Variants in E2F4 observed in about 807,000 individuals in gnomAD.
The protein encoded by E2F4 is E2F transcription factor 4, also known as transcription factor E2F4.
E2F4 carries 16 observed loss-of-function variants against 44.5 expected under a neutral mutation model. That is an observed-to-expected ratio of 0.36 (90% CI 0.24 to 0.55). The LOEUF is 0.55. Ranked by LOEUF, E2F4 falls within the 20% of genes least tolerant of loss-of-function variation. E2F4 has a pLI of 0.87. For missense variants in E2F4, 473 were observed against 522.1 expected (o/e 0.91, Z 0.92); for synonymous variants, 242 against 207.2 (o/e 1.17, Z -1.44).
chr16:67,194,295 C>T (rs977088625), intron 4 of E2F4, 103 bp from the exon 5 acceptor site: 9 of 1,291,690 alleles, frequency 7.0e-6, no homozygotes, highest in Non-Finnish European at 9.9e-6. Context: ...CTGTCTAGTT[C>T]CTCAGGGACC....
At position 67,198,381 on chromosome 16, in the gene E2F4, C is replaced by T; in HGVS notation, c.*258C>T. ...GCTTCTCCCTTTCTGCGGCCTTCGC[C>T]AGCCCAGGCTCGGCTGCCACCCAGT... On this transcript the variant is annotated 3_prime_UTR_variant, in exon 10 of 10. Coordinates refer to ENST00000379378, the MANE Select transcript of E2F4 (RefSeq NM_001950.4). 1 of 480,064 alleles carries T rather than the reference C, an allele frequency of 2.1e-6. No homozygotes were observed. The highest frequency in any genetic ancestry group is 2.3e-5 in the South Asian group (1 of 43,600). The allele number at this position is 480,064 out of a possible 1,614,324, so 29.7% of individuals were successfully genotyped here.
intron 7 of E2F4, among the ~76,000 whole-genome samples, chr16:67,196,665 A>G (rs3730407): frequency 0.037 from 5,613 of 152,198 alleles, 345 homozygotes; most frequent in African/African-American, 0.12. Context: ...TCTTTTCCCA[A>G]TCTGCACACT....
At chr16:67,197,776 C>A in intron 8 of E2F4, 91 bp from the exon 9 acceptor site, 1 of 1,606,134 alleles carries the variant, frequency 6.2e-7, no homozygotes, top group Non-Finnish European at 8.5e-7. Flanking sequence ...GGTGAAGTTC[C>A]TGATGGGCAG....
rs768293921 is a variant in E2F4 at position 67,195,936 on chromosome 16, T to C, written c.963T>C (p.Ser321=). 25 of 1,596,872 alleles carry C rather than the reference T, an allele frequency of 1.6e-5. No homozygotes were observed. The South Asian group carries it at 1.7e-4, about 11-fold the overall frequency. ...GCAGCAGCAGCAGCAGCAGCAACAG[T>C]AACAGCAGCAGTTCGTCCGGACCCA... The part of the protein sequence containing the change: ...SSSSSSSSSN[S]NSSSSSGPNP... Residue 321 remains serine (S), a synonymous_variant, in exon 7 of 10, where the codon AGT becomes AGC. Transcript: ENST00000379378.
At chr16:67,192,417 G>A in intron 1 of E2F4, 55 bp downstream of exon 1, 1 of 1,410,834 alleles carries the variant, frequency 7.1e-7, no homozygotes. Flanking sequence ...GCCTGGGCCG[G>A]TAGCGGGAAC....
intron 3 of E2F4, 130 bp downstream of exon 3, chr16:67,193,300 T>G (rs2032917545): frequency 6.7e-7 from 1 of 1,491,212 alleles, no homozygotes; most frequent in Non-Finnish European, 9.2e-7. Context: ...GGCTCCCTCC[T>G]CAGAGCCCCT....
chr16:67,192,912 G>C, intron 2 of E2F4, 42 bp downstream of exon 2: 3 of 1,581,534 alleles, frequency 1.9e-6, no homozygotes, highest in Non-Finnish European at 2.6e-6. Flanking sequence ...CTCCCACCCA[G>C]AAGTGTCGGG....
At chr16:67,194,641 G>A (rs2032938373) in intron 5 of E2F4, 45 bp from the exon 6 acceptor site, 1 of 1,595,728 alleles carries the variant, frequency 6.3e-7, no homozygotes, top group African/African-American at 1.3e-5. Flanking sequence ...AGCCAAGCCT[G>A]CTTACAATTC....
intron 8 of E2F4, 44 bp downstream of exon 8, chr16:67,197,690 A>G: frequency 6.2e-7 from 1 of 1,610,704 alleles, no homozygotes; most frequent in East Asian, 2.2e-5. Context: ...TAAGGGACAC[A>G]GCTCATTGGG....
rs577207109 is a variant in E2F4 at position 67,197,459 on chromosome 16, A to G, written c.1034-140A>G. On this transcript the variant is annotated intron_variant, in intron 7 of 9. Transcript: ENST00000379378. Reference sequence around the variant, plus strand: ...GCAAGTGAGGCCAACAGACAGTGCCAGCTTGGCCTAGGCAGGACCTACATC... The same window carrying G: ...GCAAGTGAGGCCAACAGACAGTGCCGGCTTGGCCTAGGCAGGACCTACATC... 9 of 808,052 alleles carry G rather than the reference A, an allele frequency of 1.1e-5. No homozygotes were observed. The Admixed American group carries it at 2.0e-4, about 18-fold the overall frequency. 50.1% of individuals were successfully genotyped at this position (808,052 alleles called of 1,614,324 possible).
At chr16:67,195,573 AC>A in intron 6 of E2F4, 1 of 1,056,832 alleles carries the variant, frequency 9.5e-7, no homozygotes, top group Non-Finnish European at 1.3e-6. Flanking sequence ...AGACATGTTG[AC>A]CACGAGTCTT....
Position 67,194,896 on chromosome 16 carries a change from C to T in E2F4, c.724C>T (p.Pro242Ser). ...AGCCCAGTCCCAGGAAGCCTCACGT[C>T]CAAATAGTCCTCAGCTCACTCCCAC... ...ALAQSQEASRPNSPQLTPTAV... is the reference protein window; with the variant it reads ...ALAQSQEASRSNSPQLTPTAV... The change falls in exon 6 of 10, where the codon CCA (proline) becomes TCA (serine). Residue 242 changes from proline to serine, a missense_variant. Coordinates refer to ENST00000379378, the MANE Select transcript of E2F4 (RefSeq NM_001950.4). 6.2e-7 allele frequency: 1 copy of T among 1,614,184 alleles called. No homozygotes were observed. The highest frequency in any genetic ancestry group is 8.5e-7 in the Non-Finnish European group (1 of 1,180,030).
Position 67,194,995 on chromosome 16 carries a change from G to A in E2F4, c.808+15G>A. The A allele has an allele frequency of 1.2e-6, 2 of 1,607,466 alleles. No individual in the cohort carries two copies. Among genetic ancestry groups the A allele is most frequent in the Non-Finnish European group, 8.5e-7 (1 of 1,174,902 alleles). On this transcript the variant is annotated intron_variant, in intron 6 of 9. Transcript: ENST00000379378. ...TGAGATCACAGGTGAGGCACCATGG[G>A]AGCTTGTGACAGAGGCCCAAGAGGT...
At position 67,192,468 on chromosome 16, in the gene E2F4, C is replaced by T. The variant is rs993191308; in HGVS notation, c.135+106C>T. 16 of 1,350,312 alleles carry T rather than the reference C, an allele frequency of 1.2e-5. No homozygotes were observed. The African/African-American group carries it at 2.1e-4, about 18-fold the overall frequency. The allele number at this position is 1,350,312 out of a possible 1,614,324, so 83.6% of individuals were successfully genotyped here. ...GCTGGGTCCTCCGAGAGCCGGCCGC[C>T]ATCGTGTGCTTTCTCACAGGAGAGA... On this transcript the variant is annotated intron_variant, in intron 1 of 9. Coordinates refer to ENST00000379378, the MANE Select transcript of E2F4 (RefSeq NM_001950.4).
chr16:67,193,199 G>A (rs375187299), intron 3 of E2F4, 29 bp downstream of exon 3: 2 of 1,552,566 alleles, frequency 1.3e-6, no homozygotes, highest in South Asian at 1.2e-5. Context: ...CTGCTGGGGG[G>A]AGTGGGCAAG....
chr16:67,192,212 G>A lies in E2F4; in HGVS notation c.-16G>A. On this transcript the variant is annotated 5_prime_UTR_variant, in exon 1 of 10. Coordinates refer to ENST00000379378, the MANE Select transcript of E2F4 (RefSeq NM_001950.4). ...CCTGGCCTGGCCTGGCTGAGGGGAG[G>A]CGGCGGGCGGGCGCGATGGCGGAGG... The A allele has an allele frequency of 1.6e-6, 2 of 1,244,688 alleles. No homozygotes were observed. The highest frequency in any genetic ancestry group is 2.0e-6 in the Non-Finnish European group (2 of 994,092). The allele number at this position is 1,244,688 out of a possible 1,614,324, so 77.1% of individuals were successfully genotyped here.
At position 67,198,008 on chromosome 16, in the gene E2F4, T is replaced by G; in HGVS notation, c.1127T>G (p.Val376Gly). 1 of 1,614,042 alleles carries G rather than the reference T, an allele frequency of 6.2e-7. No individual in the cohort carries two copies. The highest frequency in any genetic ancestry group is 8.5e-7 in the Non-Finnish European group (1 of 1,179,914). ...ELLEELMSSE[V>G]FAPLLRLSPP... Reference sequence around the variant, plus strand: ...GGCCTGAGACTAGTGCTCTCTGCAGTGTTTGCCCCTCTGCTTCGTCTTTCT... The same window carrying G: ...GGCCTGAGACTAGTGCTCTCTGCAGGGTTTGCCCCTCTGCTTCGTCTTTCT... The change falls in exon 10 of 10, where the codon GTG becomes GGG. Residue 376 changes from valine to glycine, a missense_variant and splice_region_variant. Val to Gly is a moderately radical substitution (Grantham distance 109). Coordinates refer to ENST00000379378, the MANE Select transcript of E2F4 (RefSeq NM_001950.4).
At chr16:67,197,769 G>A (rs1044906274) in intron 8 of E2F4, 98 bp from the exon 9 acceptor site, 175 of 1,603,482 alleles carry the variant, frequency 1.1e-4, no homozygotes, top group Non-Finnish European at 1.4e-4. Flanking sequence ...GGCAAAGGGT[G>A]AAGTTCCTGA....
At position 67,198,040 on chromosome 16, in the gene E2F4, C is replaced by G. The variant is rs1375076300; in HGVS notation, c.1159C>G (p.Pro387Ala). The change falls in exon 10 of 10, where the codon CCG becomes GCG. Residue 387 changes from proline (P) to alanine (A), a missense_variant. This residue lies in a region of E2F4 where 314 missense variants were observed against 315.6 expected (regional missense o/e 0.99). Coordinates refer to ENST00000379378, the MANE Select transcript of E2F4 (RefSeq NM_001950.4). ...CCCTCTGCTTCGTCTTTCTCCACCCCCGGGAGACCACGATTATATCTACAA... is the reference window on the plus strand; with the variant it reads ...CCCTCTGCTTCGTCTTTCTCCACCCGCGGGAGACCACGATTATATCTACAA... ...FAPLLRLSPP[P>A]GDHDYIYNLD... 4 of 1,614,022 alleles carry G rather than the reference C, an allele frequency of 2.5e-6. 1 individual carries two copies. In the South Asian group the frequency reaches 4.4e-5, roughly 18 times the overall value.
Sources: allele counts gnomAD v4.1 joint callset (sites outside exome capture counted in the v4.1 genomes callset), GRCh38; gene constraint gnomAD v4.1.1; regional missense constraint gnomAD v4.1.1; transcripts MANE v1.5; gene names NCBI Gene and HGNC (gene_info 2026-07-23, HGNC 2026-07-21).